Variants in DPY19L2 observed in about 807,000 individuals in gnomAD.
DPY19L2 encodes the protein probable C-mannosyltransferase DPY19L2.
DPY19L2 carries 34 observed loss-of-function variants against 97.9 expected under a neutral mutation model. The observed-to-expected ratio is 0.35, with a 90% confidence interval of 0.26 to 0.46. The LOEUF (loss-of-function observed/expected upper bound fraction) is 0.46, where lower values mean the gene tolerates loss of function less well. Ranked by LOEUF, DPY19L2 falls within the 20% of genes least tolerant of loss-of-function variation. DPY19L2 has a pLI of 1.00. For missense variants in DPY19L2, 623 were observed against 911.4 expected, an observed-to-expected ratio of 0.68 and a Z score of 4.07; for synonymous variants, 230 against 307.9, an observed-to-expected ratio of 0.75 and a Z score of 2.65.
intron 3 of DPY19L2, 22 bp from the exon 4 acceptor site, chr12:63,661,503 T>C (rs775595989): frequency 1.3e-6 from 2 of 1,500,556 alleles, no homozygotes; most frequent in Non-Finnish European, 8.9e-7. Flanking sequence ...AAAAGACATA[T>C]ATTGTCAATG....
At chr12:63,665,812 T>C in intron 2 of DPY19L2, 23 bp downstream of exon 2, 1 of 1,558,248 alleles carries the variant, frequency 6.4e-7, no homozygotes, top group Non-Finnish European at 8.7e-7. Context: ...TTTTAAATAT[T>C]TCAAACTGAA....
At position 63,668,235 on chromosome 12, in the gene DPY19L2, C is replaced by G. The variant is rs1316200234; in HGVS notation, c.159G>C (p.Arg53Ser). 6.2e-7 allele frequency: 1 copy of G among 1,613,906 alleles called. No homozygotes were observed. Among genetic ancestry groups the G allele is most frequent in the Non-Finnish European group, 8.5e-7 (1 of 1,179,896 alleles). Residue 53 changes from arginine to serine, a missense_variant, in exon 1 of 22, where the codon AGG (arginine) becomes AGC (serine). Arg to Ser is a moderately radical substitution (Grantham distance 110, BLOSUM62 -1). Transcript: ENST00000324472. The part of the protein sequence containing the change: ...GGGKLPRGSW[R>S]SSPGRIQSLK... ...GACTTTGGATCCTCCCCGGGGAGGA[C>G]CTCCAGGAGCCCCTTGGCAGTTTCC... is the stretch of plus-strand genomic sequence containing the variant.
intron 11 of DPY19L2, among the ~76,000 whole-genome samples, chr12:63,609,080 TA>T (rs1215766083): frequency 6.6e-6 from 1 of 152,058 alleles, no homozygotes; most frequent in Non-Finnish European, 1.5e-5. Context: ...TAAACATGTT[TA>T]AAAAATATAT....
chr12:63,578,156 A>C (rs955632848), intron 19 of DPY19L2, among the ~76,000 whole-genome samples: 1 of 152,108 alleles, frequency 6.6e-6, no homozygotes, highest in Non-Finnish European at 1.5e-5. Flanking sequence ...ATGAGATCCT[A>C]TCCATAACAT....
intron 4 of DPY19L2, among the ~76,000 whole-genome samples, chr12:63,648,530 C>G (rs546998338): frequency 6.6e-6 from 1 of 151,870 alleles, no homozygotes; most frequent in Admixed American, 6.5e-5. Context: ...GGGTTCAAGC[C>G]AAGTCTCCTG....
At chr12:63,665,413 C>CAAGTAA (rs1896210146) in intron 2 of DPY19L2, among the ~76,000 whole-genome samples, 1 of 150,140 alleles carries the variant, frequency 6.7e-6, no homozygotes, top group Admixed American at 6.7e-5. Flanking sequence ...GCAGAGGTTG[C>CAAGTAA]AGTGAGTCAA....
intron 12 of DPY19L2, among the ~76,000 whole-genome samples, chr12:63,606,587 C>T (rs557227871): frequency 6.6e-6 from 1 of 152,254 alleles, no homozygotes; most frequent in African/African-American, 2.4e-5. Context: ...AGATTTATCA[C>T]AAGTGGATTA....
At chr12:63,588,666 C>T (rs1457027340) in intron 16 of DPY19L2, among the ~76,000 whole-genome samples, 1 of 151,182 alleles carries the variant, frequency 6.6e-6, no homozygotes. Context: ...TTACAATTCA[C>T]ACATTATATA....
intron 4 of DPY19L2, among the ~76,000 whole-genome samples, chr12:63,654,139 G>C (rs1006784593): frequency 1.7e-4 from 26 of 152,072 alleles, no homozygotes; most frequent in African/African-American, 6.0e-4. Flanking sequence ...ACATCAAAGA[G>C]GAAGAAATAA....
intron 6 of DPY19L2, among the ~76,000 whole-genome samples, chr12:63,636,329 A>G (rs1175071429): frequency 2.6e-5 from 4 of 152,190 alleles, no homozygotes; most frequent in Admixed American, 2.0e-4. Flanking sequence ...AAACATGCTA[A>G]ATTGTAAAGA....
intron 11 of DPY19L2, among the ~76,000 whole-genome samples, chr12:63,610,517 T>C (rs540323389): frequency 1.4e-4 from 21 of 151,694 alleles, no homozygotes; most frequent in Non-Finnish European, 2.5e-4. Context: ...AGATAACTTA[T>C]AAGAAATAAA....
At position 63,563,780 on chromosome 12, in the gene DPY19L2, A is replaced by T. The variant is rs181021676; in HGVS notation, c.2127-3118T>A. Among the ~76,000 whole-genome samples the T allele has an allele frequency of 6.1e-3, 923 of 152,286 alleles. 6 individuals carry two copies. Among genetic ancestry groups the T allele is most frequent in the South Asian group, 0.014 (66 of 4,820 alleles). On this transcript the variant is annotated intron_variant, in intron 21 of 21. Coordinates refer to ENST00000324472, the MANE Select transcript of DPY19L2 (RefSeq NM_173812.5). ...AGGATAATGCTGACCTCACAGAACC[A>T]GTTGGGAAGTAATCCCTCCTTTTGA...
At chr12:63,605,785 T>C (rs575049341) in intron 12 of DPY19L2, among the ~76,000 whole-genome samples, 1 of 152,178 alleles carries the variant, frequency 6.6e-6, no homozygotes, top group Non-Finnish European at 1.5e-5. Flanking sequence ...CTGGAACTGA[T>C]ATTTGTGTAT....
At chr12:63,657,959 T>C (rs1260324111) in intron 4 of DPY19L2, among the ~76,000 whole-genome samples, 1 of 152,194 alleles carries the variant, frequency 6.6e-6, no homozygotes, top group Non-Finnish European at 1.5e-5. Context: ...TGCAGGCACC[T>C]GTCCTTCTTG....
At chr12:63,607,982 A>G (rs1886345174) in intron 12 of DPY19L2, among the ~76,000 whole-genome samples, 1 of 152,068 alleles carries the variant, frequency 6.6e-6, no homozygotes, top group South Asian at 2.1e-4. Context: ...GAAAAAGAAT[A>G]TTGTCTGTCT....
intron 16 of DPY19L2, among the ~76,000 whole-genome samples, chr12:63,592,988 C>T (rs568474047): frequency 2.6e-5 from 4 of 151,070 alleles, no homozygotes; most frequent in African/African-American, 9.7e-5. Flanking sequence ...AGGACATGAA[C>T]AGACACTTCT....
At chr12:63,634,342 T>A (rs1276254749) in intron 6 of DPY19L2, among the ~76,000 whole-genome samples, 27 of 151,824 alleles carry the variant, frequency 1.8e-4, no homozygotes, top group Admixed American at 8.5e-4. Flanking sequence ...CCAAGATGGC[T>A]GAATAGGAAC....
At chr12:63,641,815 T>C (rs1307734582) in intron 6 of DPY19L2, among the ~76,000 whole-genome samples, 1 of 152,158 alleles carries the variant, frequency 6.6e-6, no homozygotes, top group East Asian at 1.9e-4. Flanking sequence ...TGGGAATATA[T>C]ACTTTAAATT....
At position 63,591,988 on chromosome 12, in the gene DPY19L2, A is replaced by G. The variant is rs1473929418; in HGVS notation, c.1580+2099T>C. 1.2e-3 allele frequency among the ~76,000 whole-genome samples: 44 copies of G among 35,854 alleles called. 1 individual carries two copies. The highest frequency in any genetic ancestry group is 6.4e-3 in the African/African-American group (37 of 5,824). 23.5% of individuals were successfully genotyped at this position (35,854 alleles called of 152,430 possible). A position where few individuals can be genotyped will look rare whatever the true frequency, so the allele number is the denominator to read the frequency against. On this transcript the variant is annotated intron_variant, in intron 16 of 21. Coordinates refer to ENST00000324472, the MANE Select transcript of DPY19L2 (RefSeq NM_173812.5). ...AAAGAAAAGAAAAGAGGGGAAGGGAAGGGAAGGGAGGGGAAGGGAGGGGAG... is the reference window on the plus strand; with the variant it reads ...AAAGAAAAGAAAAGAGGGGAAGGGAGGGGAAGGGAGGGGAAGGGAGGGGAG...
Sources: allele counts gnomAD v4.1 joint callset (sites outside exome capture counted in the v4.1 genomes callset), GRCh38; gene constraint gnomAD v4.1.1; transcripts MANE v1.5; gene names NCBI Gene and HGNC (gene_info 2026-07-23, HGNC 2026-07-21).